Variants in KANSL1 observed in about 807,000 individuals in gnomAD.
KANSL1 encodes the protein MLL1/MLL complex subunit KANSL1.
In KANSL1, 22 loss-of-function variants were observed where a neutral mutation model predicts 103.6. That is an observed-to-expected ratio of 0.21 (90% CI 0.15 to 0.30). KANSL1 has a LOEUF of 0.30. Among genes scored for constraint, KANSL1 ranks in the 10% least tolerant of loss-of-function variants. KANSL1 has a pLI of 1.00. For missense variants in KANSL1, 1,337 were observed against 1,399.8 expected (o/e 0.96, Z 0.72); for synonymous variants, 600 against 527.6 (o/e 1.14, Z -1.88).
chr17:46,067,722 T>C lies in KANSL1; in HGVS notation c.1534-55A>G. 1.1e-5 allele frequency: 10 copies of C among 877,236 alleles called. No homozygotes were observed. In the South Asian group the frequency reaches 1.2e-4, roughly 11 times the overall value. The allele number at this position is 877,236 out of a possible 1,614,324, so 54.3% of individuals were successfully genotyped here. A position where few individuals can be genotyped will look rare whatever the true frequency, so the allele number is the denominator to read the frequency against. On this transcript the variant is annotated intron_variant, in intron 4 of 14. Coordinates refer to ENST00000432791, the MANE Select transcript of KANSL1 (RefSeq NM_015443.4). ...ACATGTACCCAAGCGCACCCCTGCCTGAAAAGCACCACCACTTCATTTGCA... is the reference window on the plus strand; with the variant it reads ...ACATGTACCCAAGCGCACCCCTGCCCGAAAAGCACCACCACTTCATTTGCA...
chr17:46,169,040 G>A (rs1471677373), intron 2 of KANSL1, among the ~76,000 whole-genome samples: 2 of 152,178 alleles, frequency 1.3e-5, no homozygotes, highest in Admixed American at 6.5e-5. Context: ...AAAACAATAC[G>A]CTTATAGTGT....
intron 2 of KANSL1, among the ~76,000 whole-genome samples, chr17:46,158,686 G>A (rs2045568696): frequency 6.6e-6 from 1 of 152,194 alleles, no homozygotes; most frequent in African/African-American, 2.4e-5. Flanking sequence ...GATTACAGGT[G>A]CCCGCCACCA....
chr17:46,053,455 AT>A (rs922608336), intron 6 of KANSL1, among the ~76,000 whole-genome samples: 6 of 46,428 alleles, frequency 1.3e-4, no homozygotes, highest in Admixed American at 3.0e-4. Flanking sequence ...TTTAATACTT[AT>A]TTTTTTTTTG....
chr17:46,137,380 C>A (rs1192765582), intron 2 of KANSL1, among the ~76,000 whole-genome samples: 2 of 152,222 alleles, frequency 1.3e-5, no homozygotes, highest in Non-Finnish European at 2.9e-5. Flanking sequence ...CCTATTTCTG[C>A]CCCATATTTA....
chr17:46,210,203 G>A (rs1485533916), intron 1 of KANSL1, among the ~76,000 whole-genome samples: 1 of 152,146 alleles, frequency 6.6e-6, no homozygotes, highest in Non-Finnish European at 1.5e-5. Context: ...GCTGGGTGAC[G>A]GTGGCTCATG....
intron 2 of KANSL1, among the ~76,000 whole-genome samples, chr17:46,097,302 A>G (rs1364926320): frequency 6.6e-6 from 1 of 152,260 alleles, no homozygotes; most frequent in Non-Finnish European, 1.5e-5. Flanking sequence ...CAAGTAGTGA[A>G]GGAATTTGAT....
chr17:46,071,532 G>A (rs1568415239), intron 4 of KANSL1, among the ~76,000 whole-genome samples: 1 of 152,088 alleles, frequency 6.6e-6, no homozygotes, highest in Non-Finnish European at 1.5e-5. Context: ...TCTCCCTTGA[G>A]AAAAAATGAA....
intron 6 of KANSL1, among the ~76,000 whole-genome samples, chr17:46,058,319 C>G (rs968703529): frequency 6.6e-6 from 1 of 152,160 alleles, no homozygotes; most frequent in African/African-American, 2.4e-5. Context: ...AAACTGTGAC[C>G]AGCCAAAGTT....
chr17:46,213,975 C>G (rs1321908930), intron 1 of KANSL1, among the ~76,000 whole-genome samples: 1 of 152,042 alleles, frequency 6.6e-6, no homozygotes, highest in East Asian at 1.9e-4. Flanking sequence ...AAAATCAATT[C>G]CCTGCCAAAT....
At chr17:46,120,360 A>T (rs1339242829) in intron 2 of KANSL1, among the ~76,000 whole-genome samples, 1 of 152,228 alleles carries the variant, frequency 6.6e-6, no homozygotes, top group Non-Finnish European at 1.5e-5. Context: ...AATAACTTCA[A>T]GCTGTTTGTT....
intron 2 of KANSL1, among the ~76,000 whole-genome samples, chr17:46,107,296 TA>T (rs924531001): frequency 3.9e-5 from 6 of 152,328 alleles, no homozygotes; most frequent in African/African-American, 1.4e-4. Flanking sequence ...AAATACTCAT[TA>T]TTCTAATTTG....
chr17:46,070,189 T>C (rs2078524042), intron 4 of KANSL1, among the ~76,000 whole-genome samples: 1 of 152,236 alleles, frequency 6.6e-6, no homozygotes, highest in Non-Finnish European at 1.5e-5. Context: ...CAATGATATC[T>C]ATCAATAATC....
At chr17:46,125,033 TAGGGAGGG>T (rs1240176106) in intron 2 of KANSL1, among the ~76,000 whole-genome samples, 19 of 49,454 alleles carry the variant, frequency 3.8e-4, no homozygotes, top group African/African-American at 1.5e-4. Flanking sequence ...GGAGGGGAGG[TAGGGAGGG>T]AGGGAGGAGG....
rs764750830 is a variant in KANSL1 at position 46,031,576 on chromosome 17, C to T, written c.3218G>A (p.Gly1073Asp). The T allele has an allele frequency of 6.2e-7, 1 of 1,614,146 alleles. No homozygotes were observed. Among genetic ancestry groups the T allele is most frequent in the South Asian group, 1.1e-5 (1 of 91,078 alleles). ...GGTGGGCGCTGCCTCTGTCTCCCGG[C>T]CAGTCTTGCTGCCTGAGGTGCGTCG... ...CTRRTSGSKTGRETEAAPTSP... is the reference protein window; with the variant it reads ...CTRRTSGSKTDRETEAAPTSP... Residue 1073 changes from glycine (G) to aspartate (D), a missense_variant, in exon 15 of 15, where the codon GGC becomes GAC. By Grantham distance (94) the Gly-to-Asp change is moderately conservative. Around this residue, in one of 2 missense-constraint regions of KANSL1, gnomAD observed 780 missense variants for 923.4 expected, o/e 0.84. Transcript: ENST00000432791.
At chr17:46,073,390 GT>G (rs956797743) in intron 4 of KANSL1, among the ~76,000 whole-genome samples, 2 of 152,088 alleles carry the variant, frequency 1.3e-5, no homozygotes, top group Admixed American at 6.5e-5. Context: ...TAGAAGCAAT[GT>G]TTTTCGCTAA....
In KANSL1 at chr17:46,032,094, T is replaced by C. The variant is rs2077025778; in HGVS notation, c.3043A>G (p.Ser1015Gly). Residue 1015 changes from serine (S) to glycine (G), a missense_variant, in exon 14 of 15, where the codon AGT becomes GGT. Transcript: ENST00000432791. ...GGTGTGGAACAACGGGTATCCTCAC[T>C]GGCTAAGTGTCGCGGAGTGTCCCGA... Reference protein sequence around the residue: ...VARDTPRHLASEDTRCSTPEL... With the variant: ...VARDTPRHLAGEDTRCSTPEL... The C allele has an allele frequency of 6.2e-7, 1 of 1,614,076 alleles. No individual in the cohort carries two copies. Among genetic ancestry groups the C allele is most frequent in the Admixed American group, 1.7e-5 (1 of 60,014 alleles).
intron 2 of KANSL1, among the ~76,000 whole-genome samples, chr17:46,096,671 T>C (rs554875070): frequency 2.6e-4 from 39 of 148,656 alleles, no homozygotes; most frequent in Admixed American, 2.2e-3. Flanking sequence ...CGGGCTGGAG[T>C]CCAGTGGCAT....
At chr17:46,181,925 T>C (rs896310737) in intron 1 of KANSL1, among the ~76,000 whole-genome samples, 4 of 152,174 alleles carry the variant, frequency 2.6e-5, no homozygotes, top group Admixed American at 2.0e-4. Context: ...TTTCAATACA[T>C]AGCATCTCCA....
At chr17:46,032,886 ATATCTCCACTAGTTCCATG>A (rs753031010) in intron 13 of KANSL1, among the ~76,000 whole-genome samples, 175 bp downstream of exon 13, 5 of 152,188 alleles carry the variant, frequency 3.3e-5, no homozygotes, top group African/African-American at 4.8e-5. Flanking sequence ...TTGGCTCCTT[ATATCTCCACTAGTTCCATG>A]TATCTCCACT....
Sources: allele counts gnomAD v4.1 joint callset (sites outside exome capture counted in the v4.1 genomes callset), GRCh38; gene constraint gnomAD v4.1.1; regional missense constraint gnomAD v4.1.1; transcripts MANE v1.5; gene names NCBI Gene and HGNC (gene_info 2026-07-23, HGNC 2026-07-21).